The following PPM1L variants were observed in gnomAD, a reference collection of about 807,000 sequenced individuals.
PPM1L encodes the protein protein phosphatase 1L.
PPM1L carries 13 observed loss-of-function variants against 31.4 expected under a neutral mutation model. The ratio of observed to expected loss-of-function variants is 0.41; its 90% confidence interval spans 0.27 to 0.66. PPM1L has a LOEUF of 0.66. PPM1L is among the 30% of genes least tolerant of loss of function. PPM1L has a pLI of 0.29. For missense variants in PPM1L, 326 were observed against 453.7 expected (o/e 0.72, Z 2.56); for synonymous variants, 184 against 175.4 (o/e 1.05, Z -0.39).
chr3:160,922,964 C>T (rs551648442), intron 1 of PPM1L, among the ~76,000 whole-genome samples: 4 of 152,176 alleles, frequency 2.6e-5, no homozygotes, highest in African/African-American at 9.6e-5. Flanking sequence ...CTGATTTCTG[C>T]CAACGAATAA....
chr3:160,896,700 A>C (rs1713346271), intron 1 of PPM1L, among the ~76,000 whole-genome samples: 2 of 152,330 alleles, frequency 1.3e-5, no homozygotes, highest in African/African-American at 4.8e-5. Context: ...ATGGTCAAAA[A>C]GAAAAGATAT....
intron 2 of PPM1L, among the ~76,000 whole-genome samples, chr3:160,979,893 C>G (rs960339961): frequency 6.6e-6 from 1 of 151,846 alleles, no homozygotes; most frequent in South Asian, 2.1e-4. Flanking sequence ...TGGAATAAGT[C>G]GACAAAGGAA....
intron 2 of PPM1L, among the ~76,000 whole-genome samples, chr3:161,063,591 C>T (rs892878306): frequency 6.6e-6 from 1 of 152,044 alleles, no homozygotes; most frequent in Non-Finnish European, 1.5e-5. Flanking sequence ...TTAGTTCAAC[C>T]ATTGTGGAAG....
intron 2 of PPM1L, among the ~76,000 whole-genome samples, chr3:160,983,038 A>G (rs961170364): frequency 3.9e-5 from 6 of 152,220 alleles, no homozygotes; most frequent in African/African-American, 7.2e-5. Flanking sequence ...AGCATTAAAG[A>G]ACTTGGGAAA....
intron 1 of PPM1L, among the ~76,000 whole-genome samples, chr3:160,843,965 G>C (rs1327118543): frequency 2.6e-5 from 4 of 152,124 alleles, no homozygotes; most frequent in Admixed American, 2.0e-4. Flanking sequence ...AAAGTATTTG[G>C]CAATTCTTAA....
At chr3:160,960,558 TTGTGTGTGTGTGTGTGTGTGTGTG>T (rs59297068) in intron 1 of PPM1L, among the ~76,000 whole-genome samples, 27 of 145,574 alleles carry the variant, frequency 1.9e-4, no homozygotes, top group Admixed American at 2.7e-4. Flanking sequence ...TTTAGCAGTT[TTGTGTGTGTGTGTGTGTGTGTGTG>T]TGTGTGTGTG....
At chr3:160,972,875 T>C (rs1716399911) in intron 2 of PPM1L, among the ~76,000 whole-genome samples, 2 of 152,106 alleles carry the variant, frequency 1.3e-5, no homozygotes, top group African/African-American at 4.8e-5. Flanking sequence ...TTTCCTGACT[T>C]TTTAATGATC....
chr3:161,048,957 C>G (rs1719176225), intron 2 of PPM1L, among the ~76,000 whole-genome samples: 2 of 150,036 alleles, frequency 1.3e-5, no homozygotes, highest in South Asian at 4.3e-4. Flanking sequence ...GGAGGGATAG[C>G]ATTATGAGAT....
At chr3:160,887,833 T>C (rs1712973995) in intron 1 of PPM1L, among the ~76,000 whole-genome samples, 1 of 152,056 alleles carries the variant, frequency 6.6e-6, no homozygotes, top group African/African-American at 2.4e-5. Flanking sequence ...TCTGCCCGCC[T>C]CCTAAAGTGC....
intron 2 of PPM1L, among the ~76,000 whole-genome samples, chr3:161,057,103 C>T (rs1031133105): frequency 6.6e-6 from 1 of 152,016 alleles, no homozygotes; most frequent in Non-Finnish European, 1.5e-5. Flanking sequence ...AAGGCATCTC[C>T]CTGGCCCTAA....
intron 2 of PPM1L, among the ~76,000 whole-genome samples, chr3:160,979,473 G>A (rs114168147): frequency 0.012 from 1,861 of 152,152 alleles, 42 homozygotes; most frequent in African/African-American, 0.043. Context: ...CACAGACATG[G>A]GAGAACATAC....
chr3:160,999,004 A>T (rs1278220993), intron 2 of PPM1L, among the ~76,000 whole-genome samples: 1 of 152,202 alleles, frequency 6.6e-6, no homozygotes, highest in Non-Finnish European at 1.5e-5. Context: ...ATGTTTTCTC[A>T]GTTAAGGCTA....
intron 1 of PPM1L, among the ~76,000 whole-genome samples, chr3:160,777,379 T>C (rs1576632627): frequency 2.0e-5 from 3 of 152,200 alleles, no homozygotes; most frequent in Admixed American, 2.0e-4. Flanking sequence ...GTAAAAATCA[T>C]GTAACAAAAT....
rs141740761 is a variant in PPM1L at position 160,825,464 on chromosome 3, A to G, written c.399+68757A>G. ...AGCTCACTTGCATTGATTGCTTACT[A>G]TATCTGAGGACAATGCCAAGTGCTC... is the stretch of plus-strand genomic sequence containing the variant. On this transcript the variant is annotated intron_variant, in intron 1 of 3. Transcript: ENST00000498165. Among the ~76,000 whole-genome samples, 106 of 152,252 alleles carry G rather than the reference A, an allele frequency of 7.0e-4. 2 individuals carry two copies. The highest frequency in any genetic ancestry group is 3.6e-3 in the Admixed American group (55 of 15,282).
At chr3:160,978,566 A>G (rs1249660583) in intron 2 of PPM1L, among the ~76,000 whole-genome samples, 1 of 152,224 alleles carries the variant, frequency 6.6e-6, no homozygotes, top group African/African-American at 2.4e-5. Context: ...ACAGTGGCTC[A>G]TGCCTGTACT....
At chr3:160,963,674 A>G (rs963640332) in intron 2 of PPM1L, among the ~76,000 whole-genome samples, 3 of 152,066 alleles carry the variant, frequency 2.0e-5, no homozygotes, top group African/African-American at 4.8e-5. Flanking sequence ...GATGCATTCT[A>G]GTGGATGAAG....
intron 1 of PPM1L, among the ~76,000 whole-genome samples, chr3:160,762,122 AAATT>A (rs1714984841): frequency 6.6e-6 from 1 of 152,234 alleles, no homozygotes; most frequent in Non-Finnish European, 1.5e-5. Flanking sequence ...CTGAATAAAT[AAATT>A]ATGACTGGCA....
intron 1 of PPM1L, among the ~76,000 whole-genome samples, chr3:160,848,148 TGG>T (rs1477727519): frequency 2.0e-5 from 3 of 152,274 alleles, no homozygotes; most frequent in Non-Finnish European, 2.9e-5. Flanking sequence ...AAATGTATTC[TGG>T]AATTAATGAA....
chr3:160,814,675 A>ACG (rs1357585065), intron 1 of PPM1L, among the ~76,000 whole-genome samples: 2 of 149,478 alleles, frequency 1.3e-5, no homozygotes, highest in African/African-American at 5.0e-5. Context: ...TATATACCAT[A>ACG]TATATGGTAT....
Sources: allele counts gnomAD v4.1 joint callset (sites outside exome capture counted in the v4.1 genomes callset), GRCh38; gene constraint gnomAD v4.1.1; transcripts MANE v1.5; gene names NCBI Gene and HGNC (gene_info 2026-07-23, HGNC 2026-07-21).